The following C14orf132 variants were observed in gnomAD, a reference collection of about 807,000 sequenced individuals.
C14orf132 encodes chromosome 14 open reading frame 132.
Under a neutral mutation model 5.8 loss-of-function variants are expected in C14orf132, and 6 were observed. The observed-to-expected ratio is 1.03, with a 90% CI of 0.57 to 2.04. The LOEUF (loss-of-function observed/expected upper bound fraction) is 2.04. Among genes scored for constraint, C14orf132 ranks in the 30% most tolerant of loss-of-function variants. The probability of loss-of-function intolerance (pLI) is 0.00; values close to 1 mark genes in which losing one functional copy is unlikely to be tolerated. For missense variants in C14orf132, 125 were observed against 115.8 expected (o/e 1.08, Z -0.37); for synonymous variants, 51 against 49.8 (o/e 1.02, Z -0.10).
chr14:96,061,374 C>T (rs901937370), intron 1 of C14orf132, among the ~76,000 whole-genome samples: 24 of 152,186 alleles, frequency 1.6e-4, no homozygotes, highest in African/African-American at 5.6e-4. Flanking sequence ...GTGTTATCTA[C>T]TGCCATTGGG....
Position 96,068,986 on chromosome 14 carries a change from A to T in C14orf132, c.28-17525A>T, listed in dbSNP as rs575984033. ...ATCTCCTGCCTGCCTGCTTCAGCTGAGACATTGGTCTTCTGCTCTCGGATT... is the reference window on the plus strand; with the variant it reads ...ATCTCCTGCCTGCCTGCTTCAGCTGTGACATTGGTCTTCTGCTCTCGGATT... On this transcript the variant is annotated intron_variant, in intron 1 of 1. Coordinates refer to ENST00000555004, the MANE Select transcript of C14orf132 (RefSeq NM_001252507.3). Among the ~76,000 whole-genome samples the T allele has an allele frequency of 3.3e-5, 5 of 151,906 alleles. No homozygotes were observed. The East Asian group carries it at 9.7e-4, about 29-fold the overall frequency.
rs575243362 is a variant in C14orf132 at position 96,081,148 on chromosome 14, C to T, written c.28-5363C>T. On this transcript the variant is annotated intron_variant, in intron 1 of 1. Transcript: ENST00000555004. Reference sequence around the variant, plus strand: ...TCTGGCTTCACAATCCAAGTTGGTACTTTTACTAACATTTGTATAAATCCA... The same window carrying T: ...TCTGGCTTCACAATCCAAGTTGGTATTTTTACTAACATTTGTATAAATCCA... 3.9e-5 allele frequency among the ~76,000 whole-genome samples: 6 copies of T among 152,304 alleles called. No individual in the cohort carries two copies. The South Asian group carries it at 1.2e-3, about 32-fold the overall frequency.
intron 1 of C14orf132, among the ~76,000 whole-genome samples, chr14:96,042,925 G>T (rs934380908): frequency 2.0e-5 from 3 of 152,232 alleles, no homozygotes; most frequent in African/African-American, 7.2e-5. Flanking sequence ...TGGCCAAGAG[G>T]ACAGGGCCAC....
At chr14:96,060,944 G>A (rs1245906573) in intron 1 of C14orf132, among the ~76,000 whole-genome samples, 1 of 152,164 alleles carries the variant, frequency 6.6e-6, no homozygotes, top group Non-Finnish European at 1.5e-5. Context: ...TGAATAGGAA[G>A]GAAAACAGTA....
Position 96,090,699 on chromosome 14 carries a change from A to T in C14orf132, c.*3964A>T. ...CAGATCCCCCAGGATCTGAGGGAGA[A>T]AGGATGGGAGGAGGGGCAGCAGCAT... On this transcript the variant is annotated 3_prime_UTR_variant, in exon 2 of 2. Transcript: ENST00000555004. The T allele has an allele frequency of 2.2e-6, 1 of 456,050 alleles. No homozygotes were observed. The highest frequency in any genetic ancestry group is 1.5e-5 in the South Asian group (1 of 64,564). The allele number at this position is 456,050 out of a possible 1,614,324, so 28.3% of individuals were successfully genotyped here.
intron 1 of C14orf132, among the ~76,000 whole-genome samples, chr14:96,040,535 G>A (rs1839336836): frequency 6.6e-6 from 1 of 152,140 alleles, no homozygotes; most frequent in Non-Finnish European, 1.5e-5. Context: ...CGAAGTTTGA[G>A]GGGACACTTG....
At position 96,088,478 on chromosome 14, in the gene C14orf132, G is replaced by A. The variant is rs560961467; in HGVS notation, c.*1743G>A. On this transcript the variant is annotated 3_prime_UTR_variant, in exon 2 of 2. Transcript: ENST00000555004. ...CTGGAATTCCTGGAATCACTGGCAG[G>A]GTGGAGGCTGGGCTGGGGAGTTAGC... 2 of 152,498 alleles carry A rather than the reference G, an allele frequency of 1.3e-5. No homozygotes were observed. Among genetic ancestry groups the A allele is most frequent in the East Asian group, 3.8e-4 (2 of 5,198 alleles). 9.4% of individuals were successfully genotyped at this position (152,498 alleles called of 1,614,324 possible). A position where few individuals can be genotyped will look rare whatever the true frequency, so the allele number is the denominator to read the frequency against.
At chr14:96,083,718 T>TTCGA (rs1888096850) in intron 1 of C14orf132, among the ~76,000 whole-genome samples, 2 of 152,232 alleles carry the variant, frequency 1.3e-5, no homozygotes, top group African/African-American at 4.8e-5. Flanking sequence ...CTGCCAACAC[T>TTCGA]TCGATTTTAG....
chr14:96,053,626 G>A (rs1344685049), intron 1 of C14orf132, among the ~76,000 whole-genome samples: 2 of 152,216 alleles, frequency 1.3e-5, no homozygotes, highest in African/African-American at 4.8e-5. Context: ...AGCCCCAACA[G>A]CAGCTGGTGG....
chr14:96,040,022 C>T lies in C14orf132; in HGVS notation c.27+495C>T, dbSNP rs1306758704. Among the ~76,000 whole-genome samples, 5 of 152,092 alleles carry T rather than the reference C, an allele frequency of 3.3e-5. No homozygotes were observed. The South Asian group carries it at 6.3e-4, about 19-fold the overall frequency. ...GCCGCCTGAGGAAGGCTCTGAGACCCGCTTTGTGACCGTGACCCGCCAAGC... is the reference window on the plus strand; with the variant it reads ...GCCGCCTGAGGAAGGCTCTGAGACCTGCTTTGTGACCGTGACCCGCCAAGC... On this transcript the variant is annotated intron_variant, in intron 1 of 1. Transcript: ENST00000555004.
At chr14:96,075,373 T>C (rs541650805) in intron 1 of C14orf132, among the ~76,000 whole-genome samples, 5 of 152,312 alleles carry the variant, frequency 3.3e-5, no homozygotes, top group Admixed American at 2.0e-4. Context: ...GTCTTCTTTA[T>C]ATATAAGGCA....
intron 1 of C14orf132, among the ~76,000 whole-genome samples, chr14:96,056,859 G>T (rs866945838): frequency 7.9e-5 from 12 of 152,022 alleles, no homozygotes; most frequent in African/African-American, 2.7e-4. Flanking sequence ...AGCTCCCCAC[G>T]CCTCCTTCTG....
In C14orf132 at chr14:96,083,845, C is replaced by T. The variant is rs150790754; in HGVS notation, c.28-2666C>T. On this transcript the variant is annotated intron_variant, in intron 1 of 1. Coordinates refer to ENST00000555004, the MANE Select transcript of C14orf132 (RefSeq NM_001252507.3). ...ACCTGCAAAGCTATTAAATAAATAC[C>T]TGCCGGGAGGCAGAGAAGGGAGGGG... 6.9e-3 allele frequency among the ~76,000 whole-genome samples: 1,047 copies of T among 152,312 alleles called. 12 individuals carry two copies. The highest frequency in any genetic ancestry group is 0.024 in the African/African-American group (996 of 41,566).
At chr14:96,049,880 C>A (rs1357677914) in intron 1 of C14orf132, among the ~76,000 whole-genome samples, 1 of 150,650 alleles carries the variant, frequency 6.6e-6, no homozygotes, top group African/African-American at 2.4e-5. Context: ...TAATAATAGC[C>A]CCACCCAATG....
At chr14:96,064,434 A>G (rs1371516627) in intron 1 of C14orf132, among the ~76,000 whole-genome samples, 1 of 150,900 alleles carries the variant, frequency 6.6e-6, no homozygotes, top group Non-Finnish European at 1.5e-5. Flanking sequence ...ATACACATAT[A>G]TATGTGTATA....
chr14:96,086,071 G>A (rs533123793), intron 1 of C14orf132, among the ~76,000 whole-genome samples: 83 of 152,226 alleles, frequency 5.5e-4, no homozygotes, highest in African/African-American at 2.0e-3. Context: ...ATTATGTGGT[G>A]GGATCATGAT....
At chr14:96,085,433 C>A (rs963401699) in intron 1 of C14orf132, among the ~76,000 whole-genome samples, 2 of 152,212 alleles carry the variant, frequency 1.3e-5, no homozygotes, top group African/African-American at 2.4e-5. Flanking sequence ...TGGGCTGGGG[C>A]AGGAAGGGGC....
In C14orf132 at chr14:96,088,067, A is replaced by G. The variant is rs940461213; in HGVS notation, c.*1332A>G. The G allele has an allele frequency of 2.0e-5, 3 of 151,416 alleles. No individual in the cohort carries two copies. Among genetic ancestry groups the G allele is most frequent in the African/African-American group, 7.3e-5 (3 of 41,138 alleles). 9.4% of individuals were successfully genotyped at this position (151,416 alleles called of 1,614,324 possible). A position where few individuals can be genotyped will look rare whatever the true frequency, so the allele number is the denominator to read the frequency against. ...GAGAGGCTTTCTCCTCACTTTATACACTGCAAAAACAGAAGAATTGTGTCA... is the reference window on the plus strand; with the variant it reads ...GAGAGGCTTTCTCCTCACTTTATACGCTGCAAAAACAGAAGAATTGTGTCA... On this transcript the variant is annotated 3_prime_UTR_variant, in exon 2 of 2. Transcript: ENST00000555004.
At chr14:96,054,118 C>T (rs867743132) in intron 1 of C14orf132, among the ~76,000 whole-genome samples, 1 of 152,138 alleles carries the variant, frequency 6.6e-6, no homozygotes, top group Admixed American at 6.5e-5. Context: ...CTGACCAAAC[C>T]GCCCATGTAG....
Sources: allele counts gnomAD v4.1 joint callset (sites outside exome capture counted in the v4.1 genomes callset), GRCh38; gene constraint gnomAD v4.1.1; transcripts MANE v1.5; gene names NCBI Gene and HGNC (gene_info 2026-07-23, HGNC 2026-07-21).